KTN1: variants seen among roughly 807,000 people sequenced by gnomAD.
KTN1 encodes the protein kinectin 1, also known as kinectin.
Under a neutral mutation model 222.5 loss-of-function variants are expected in KTN1, and 130 were observed. The ratio of observed to expected loss-of-function variants is 0.58; its 90% CI spans 0.51 to 0.68. The LOEUF is 0.68. KTN1 is among the 30% of genes least tolerant of loss of function. The pLI, the probability that KTN1 is intolerant of heterozygous loss-of-function variation, is 0.00. For synonymous variants in KTN1, 512 were observed against 496.3 expected (o/e 1.03, Z -0.42); for missense variants, 1,508 against 1,500.4 (o/e 1.01, Z -0.08).
chr14:55,679,740 T>A, intron 43 of KTN1, 55 bp downstream of exon 43: 1 of 1,545,744 alleles, frequency 6.5e-7, no homozygotes, highest in Non-Finnish European at 8.9e-7. Flanking sequence ...TGTGTCTGTG[T>A]AATGTGTATT....
intron 32 of KTN1, 190 bp from the exon 33 acceptor site, chr14:55,663,765 G>A: frequency 3.9e-6 from 2 of 519,394 alleles, no homozygotes; most frequent in East Asian, 6.4e-5. Context: ...CATGGAAAGT[G>A]GGCGTCTTTA....
rs756669971 is a variant in KTN1 at position 55,616,545 on chromosome 14, C to T, written c.552C>T (p.Leu184=). 1.9e-6 allele frequency: 3 copies of T among 1,600,454 alleles called. No homozygotes were observed. Among genetic ancestry groups the T allele is most frequent in the African/African-American group, 2.7e-5 (2 of 73,374 alleles). The change falls in exon 3 of 44, where the codon CTC becomes CTT. Residue 184 remains leucine, a synonymous_variant. Transcript: ENST00000395314. ...SDDQDKKVET[L]MVPSKRQEAL... Reference sequence around the variant, plus strand: ...ACCAGGATAAAAAGGTGGAAACTCTCATGGTACCATCAAAAAGGCAAGAAG... The same window carrying T: ...ACCAGGATAAAAAGGTGGAAACTCTTATGGTACCATCAAAAAGGCAAGAAG...
At chr14:55,657,868 C>T (rs1229087349) in intron 29 of KTN1, among the ~76,000 whole-genome samples, 1 of 151,868 alleles carries the variant, frequency 6.6e-6, no homozygotes, top group Non-Finnish European at 1.5e-5. Context: ...GAGTTAAGAT[C>T]ACACCACTGC....
chr14:55,629,133 G>A (rs2040204560), intron 6 of KTN1, among the ~76,000 whole-genome samples: 1 of 152,126 alleles, frequency 6.6e-6, no homozygotes. Context: ...ATTTGACTTA[G>A]TGGCCGGGCG....
At chr14:55,679,950 T>C (rs2046221087) in intron 43 of KTN1, 1 of 410,106 alleles carries the variant, frequency 2.4e-6, no homozygotes, top group East Asian at 4.9e-5. Context: ...GCCTGGGTTT[T>C]TGTGTGTTGC....
At chr14:55,654,379 T>C (rs2043243559) in intron 28 of KTN1, among the ~76,000 whole-genome samples, 1 of 152,212 alleles carries the variant, frequency 6.6e-6, no homozygotes, top group South Asian at 2.1e-4. Context: ...GGAAGATTAC[T>C]CATTTGTACA....
At chr14:55,683,461 C>G (rs180881829) in intron 43 of KTN1, 6 of 152,192 alleles carry the variant, frequency 3.9e-5, no homozygotes, top group African/African-American at 1.4e-4. Context: ...CATTGTTTTA[C>G]CAATCAGTGG....
chr14:55,636,249 G>A (rs950566587), intron 9 of KTN1, among the ~76,000 whole-genome samples, 200 bp from the exon 10 acceptor site: 2 of 152,188 alleles, frequency 1.3e-5, no homozygotes, highest in African/African-American at 2.4e-5. Context: ...AATGTTGGAG[G>A]ATAGGATGGC....
Position 55,636,463 on chromosome 14 carries a change from A to G in KTN1, c.1476A>G (p.Glu492=). Residue 492 remains glutamate, a synonymous_variant, in exon 10 of 44, where the codon GAA becomes GAG. Transcript: ENST00000395314. ...AAAATACCAAGGTTCAACTACAAGA[A>G]GCTGAGAGAAGGTGGGAAGAAGTTC... ...AATQLKVQLQ[E]AERRWEEVQS... The G allele has an allele frequency of 6.2e-7, 1 of 1,610,024 alleles. No individual in the cohort carries two copies.
At chr14:55,591,999 A>G (rs2034232755) in intron 1 of KTN1, among the ~76,000 whole-genome samples, 1 of 152,136 alleles carries the variant, frequency 6.6e-6, no homozygotes, top group Non-Finnish European at 1.5e-5. Flanking sequence ...AGATTTCTTC[A>G]TATGTTCTGA....
rs2046617830 is a variant in KTN1, at chr14:55,684,544, T to C, written c.*441T>C. The C allele has an allele frequency of 5.1e-6, 1 of 196,678 alleles. No individual in the cohort carries two copies. 12.2% of individuals were successfully genotyped at this position (196,678 alleles called of 1,614,324 possible). ...TTGCTAATGTAATCGGTTTTTGTAA[T>C]GGCGTCAGCAAATAAAAGGATGCTT... On this transcript the variant is annotated 3_prime_UTR_variant, in exon 44 of 44. Coordinates refer to ENST00000395314, the MANE Select transcript of KTN1 (RefSeq NM_001079521.2).
chr14:55,624,194 T>C (rs907648886), intron 5 of KTN1, among the ~76,000 whole-genome samples: 2 of 152,224 alleles, frequency 1.3e-5, no homozygotes, highest in African/African-American at 4.8e-5. Flanking sequence ...ACTAGGTAAG[T>C]TGAATTTCTC....
At chr14:55,643,259 A>T (rs561620327) in intron 18 of KTN1, among the ~76,000 whole-genome samples, 2 of 152,276 alleles carry the variant, frequency 1.3e-5, no homozygotes, top group African/African-American at 4.8e-5. Context: ...TACAAAAAAG[A>T]TATGATACCA....
chr14:55,620,484 G>C (rs2038988177), intron 5 of KTN1, among the ~76,000 whole-genome samples: 1 of 152,214 alleles, frequency 6.6e-6, no homozygotes, highest in African/African-American at 2.4e-5. Flanking sequence ...GCAAACTTCT[G>C]CCTGGACATC....
Position 55,670,680 on chromosome 14 carries a change from AT to A in KTN1, c.3268-39del, listed in dbSNP as rs376347075. On this transcript the variant is annotated intron_variant, in intron 34 of 43. Coordinates refer to ENST00000395314, the MANE Select transcript of KTN1 (RefSeq NM_001079521.2). Reference sequence around the variant, plus strand: ...TAAATGTTTCACCTGTTTTATTTGGATTTTTTTTTTCTTTGGAAATTAATGA... The same window carrying A: ...TAAATGTTTCACCTGTTTTATTTGGATTTTTTTTTCTTTGGAAATTAATGA... 1.3e-3 allele frequency: 1,655 copies of A among 1,237,544 alleles called. 1 individual carries two copies. Among genetic ancestry groups the A allele is most frequent in the African/African-American group, 3.2e-3 (205 of 64,408 alleles). The allele number at this position is 1,237,544 out of a possible 1,614,324, so 76.7% of individuals were successfully genotyped here. A position where few individuals can be genotyped will look rare whatever the true frequency, so the allele number is the denominator to read the frequency against.
chr14:55,651,938 T>TTTATCTCATTTCC lies in KTN1; in HGVS notation c.2603+14_2603+26dup. ...GGAGCTTCAGAACTTGTAAGTACCA[T>TTTATCTCATTTCC]TTATCTCATTTCCTTTTACTATTTC... On this transcript the variant is annotated intron_variant, in intron 25 of 43. Coordinates refer to ENST00000395314, the MANE Select transcript of KTN1 (RefSeq NM_001079521.2). 6.6e-7 allele frequency: 1 copy of TTTATCTCATTTCC among 1,505,576 alleles called. No homozygotes were observed. 93.3% of individuals were successfully genotyped at this position (1,505,576 alleles called of 1,614,324 possible).
intron 1 of KTN1, among the ~76,000 whole-genome samples, chr14:55,606,812 A>G (rs769889106): frequency 4.6e-5 from 7 of 152,188 alleles, no homozygotes; most frequent in African/African-American, 7.2e-5. Flanking sequence ...AATGTTTGTA[A>G]TAATCTCCCT....
chr14:55,614,467 G>C (rs1478540678), intron 2 of KTN1, among the ~76,000 whole-genome samples: 2 of 152,170 alleles, frequency 1.3e-5, no homozygotes, highest in African/African-American at 2.4e-5. Flanking sequence ...GATTAAAGCT[G>C]ATCTCCCAAG....
intron 1 of KTN1, among the ~76,000 whole-genome samples, chr14:55,585,573 G>A (rs1300825715): frequency 6.6e-6 from 1 of 152,144 alleles, no homozygotes; most frequent in Non-Finnish European, 1.5e-5. Context: ...TGAAAAGATA[G>A]GCACTGGGAA....
Sources: allele counts gnomAD v4.1 joint callset (sites outside exome capture counted in the v4.1 genomes callset), GRCh38; gene constraint gnomAD v4.1.1; transcripts MANE v1.5; gene names NCBI Gene and HGNC (gene_info 2026-07-23, HGNC 2026-07-21).